The following DSCAM variants were observed in gnomAD, a reference collection of about 807,000 sequenced individuals.
The protein encoded by DSCAM is cell adhesion molecule DSCAM.
Under a neutral mutation model 217.7 loss-of-function variants are expected in DSCAM, and 47 were observed. That is an observed-to-expected ratio of 0.22 (90% CI 0.17 to 0.28). The LOEUF (loss-of-function observed/expected upper bound fraction) is 0.28. Ranked by LOEUF, DSCAM falls within the 10% of genes least tolerant of loss-of-function variation. The pLI, the probability that DSCAM is intolerant of heterozygous loss-of-function variation, is 1.00. For missense variants in DSCAM, 2,080 were observed against 2,618.3 expected, an observed-to-expected ratio of 0.79 and a Z score of 4.49; for synonymous variants, 1,056 against 1,015.3, an observed-to-expected ratio of 1.04 and a Z score of -0.76.
intron 32 of DSCAM, among the ~76,000 whole-genome samples, chr21:40,036,383 A>C (rs1459562776): frequency 6.8e-6 from 1 of 147,996 alleles, no homozygotes; most frequent in Non-Finnish European, 1.5e-5. Flanking sequence ...GAATACTACA[A>C]ACACCTCTAC....
chr21:40,315,876 G>GT (rs1303278165), intron 8 of DSCAM, among the ~76,000 whole-genome samples: 1 of 152,144 alleles, frequency 6.6e-6, no homozygotes, highest in Non-Finnish European at 1.5e-5. Flanking sequence ...AGAGGGCTTA[G>GT]TAAGAAGCCA....
chr21:40,627,348 C>T (rs1430622991), intron 3 of DSCAM, among the ~76,000 whole-genome samples: 1 of 152,186 alleles, frequency 6.6e-6, no homozygotes, highest in Non-Finnish European at 1.5e-5. Flanking sequence ...GCAAGAAAAG[C>T]TGTCAACTCT....
At chr21:40,692,730 C>T (rs1384435975) in intron 3 of DSCAM, 80 bp downstream of exon 3, 18 of 1,503,524 alleles carry the variant, frequency 1.2e-5, no homozygotes, top group Admixed American at 3.7e-5. Flanking sequence ...AACACATAAA[C>T]GGAGACCCGA....
At chr21:40,107,560 A>T (rs2089836933) in intron 20 of DSCAM, among the ~76,000 whole-genome samples, 1 of 151,896 alleles carries the variant, frequency 6.6e-6, no homozygotes, top group South Asian at 2.1e-4. Flanking sequence ...TATCTTTGTT[A>T]ATTTTTTGTC....
chr21:40,550,139 C>T (rs113419640), intron 3 of DSCAM, among the ~76,000 whole-genome samples: 164 of 152,246 alleles, frequency 1.1e-3, no homozygotes, highest in African/African-American at 3.6e-3. Context: ...ACACCAACAC[C>T]GAGCCCCAGG....
intron 32 of DSCAM, among the ~76,000 whole-genome samples, chr21:40,020,279 T>A (rs1249754267): frequency 6.6e-6 from 1 of 152,228 alleles, no homozygotes; most frequent in Non-Finnish European, 1.5e-5. Context: ...CCCAGCCACA[T>A]GGAACTGTGA....
At chr21:40,035,636 A>T (rs927526598) in intron 32 of DSCAM, among the ~76,000 whole-genome samples, 4 of 148,822 alleles carry the variant, frequency 2.7e-5, no homozygotes, top group African/African-American at 1.0e-4. Context: ...GATACCCAGG[A>T]ATTGAACTCA....
At chr21:40,364,342 G>C (rs9680243) in intron 4 of DSCAM, among the ~76,000 whole-genome samples, 9 of 152,100 alleles carry the variant, frequency 5.9e-5, no homozygotes, top group African/African-American at 2.2e-4. Context: ...GGAATACTAT[G>C]CAGCCATAAA....
intron 11 of DSCAM, among the ~76,000 whole-genome samples, chr21:40,275,430 T>C (rs998874236): frequency 6.6e-6 from 1 of 152,228 alleles, no homozygotes; most frequent in Non-Finnish European, 1.5e-5. Context: ...AGCCATTCAC[T>C]GTAAACTAGA....
chr21:40,783,288 A>G (rs1157766274), intron 1 of DSCAM, among the ~76,000 whole-genome samples: 1 of 152,240 alleles, frequency 6.6e-6, no homozygotes, highest in Non-Finnish European at 1.5e-5. Flanking sequence ...ACAGCTCTTC[A>G]GTGTTGACCA....
intron 3 of DSCAM, among the ~76,000 whole-genome samples, chr21:40,528,958 CA>C (rs1485881885): frequency 2.2e-5 from 3 of 136,274 alleles, no homozygotes; most frequent in African/African-American, 8.7e-5. Flanking sequence ...GGCTGGAGTG[CA>C]GTGGTGCAAT....
chr21:40,684,768 T>C (rs572803757), intron 3 of DSCAM, among the ~76,000 whole-genome samples: 32 of 152,378 alleles, frequency 2.1e-4, no homozygotes, highest in African/African-American at 7.7e-4. Context: ...GCATTATGGT[T>C]ATCACTACAC....
intron 28 of DSCAM, among the ~76,000 whole-genome samples, chr21:40,059,897 G>A (rs564276425): frequency 1.3e-5 from 2 of 152,234 alleles, no homozygotes; most frequent in South Asian, 2.1e-4. Flanking sequence ...CTCTCTGCCA[G>A]TGGACATGAT....
At chr21:40,299,021 AG>A (rs1479017966) in intron 9 of DSCAM, among the ~76,000 whole-genome samples, 1 of 152,222 alleles carries the variant, frequency 6.6e-6, no homozygotes, top group Non-Finnish European at 1.5e-5. Context: ...TGACCCTGGT[AG>A]GAGTAGCCAG....
In DSCAM at chr21:40,804,284, G is replaced by C. The variant is rs1569044480; in HGVS notation, c.43+42335C>G. On this transcript the variant is annotated intron_variant, in intron 1 of 32. Coordinates refer to ENST00000400454, the MANE Select transcript of DSCAM (RefSeq NM_001389.5). The stretch of plus-strand genomic sequence containing the variant: ...CCTTCCTTTAAATTGAAGCACAGAA[G>C]GTTGTTTTTCCAGAGGATCACAGAA... 2.0e-5 allele frequency among the ~76,000 whole-genome samples: 3 copies of C among 152,154 alleles called. No homozygotes were observed. The South Asian group carries it at 6.2e-4, about 32-fold the overall frequency.
intron 1 of DSCAM, among the ~76,000 whole-genome samples, chr21:40,776,393 A>G (rs1462009652): frequency 2.0e-5 from 3 of 152,182 alleles, no homozygotes; most frequent in Non-Finnish European, 2.9e-5. Flanking sequence ...TTTGCGGATG[A>G]GACAGATTTA....
chr21:40,573,143 C>T (rs1456568231), intron 3 of DSCAM, among the ~76,000 whole-genome samples: 18 of 152,112 alleles, frequency 1.2e-4, no homozygotes, highest in Admixed American at 1.1e-3. Flanking sequence ...CGAGACCATC[C>T]TGGCTAACAC....
chr21:40,485,672 C>T lies in DSCAM; in HGVS notation c.509-116427G>A, dbSNP rs897437820. Among the ~76,000 whole-genome samples, 80 of 152,204 alleles carry T rather than the reference C, an allele frequency of 5.3e-4. 1 individual carries two copies. The highest frequency in any genetic ancestry group is 2.6e-4 in the Non-Finnish European group (18 of 67,998). ...TTAAATAATTTTATTTTATAAATTA[C>T]ATACTTAAATAGAACAATTTAGATG... On this transcript the variant is annotated intron_variant, in intron 3 of 32. Coordinates refer to ENST00000400454, the MANE Select transcript of DSCAM (RefSeq NM_001389.5).
At chr21:40,476,093 C>G (rs1298533792) in intron 3 of DSCAM, among the ~76,000 whole-genome samples, 1 of 152,182 alleles carries the variant, frequency 6.6e-6, no homozygotes, top group South Asian at 2.1e-4. Flanking sequence ...CCTTGTATTT[C>G]TATAGGAGGG....
Sources: gnomAD v4.1 joint callset for allele counts (sites outside exome capture counted in the v4.1 genomes callset) on GRCh38, gnomAD v4.1.1 for gene constraint, MANE v1.5 for transcripts, NCBI Gene and HGNC (gene_info 2026-07-23, HGNC 2026-07-21) for gene names.